Variants in CSGALNACT1 observed in about 807,000 individuals in gnomAD.
The protein encoded by CSGALNACT1 is chondroitin sulfate N-acetylgalactosaminyltransferase 1, also known as beta4GalNAcT-1.
A neutral mutation model predicts 51.0 loss-of-function variants in CSGALNACT1; 52 were observed. The ratio of observed to expected loss-of-function variants is 1.02; its 90% confidence interval spans 0.82 to 1.29. The LOEUF is 1.29. Ranked by LOEUF, CSGALNACT1 falls within the 50% of genes most tolerant of loss-of-function variation. CSGALNACT1 has a pLI of 0.00. For missense variants in CSGALNACT1, 935 were observed against 679.2 expected (o/e 1.38, Z -4.19); for synonymous variants, 341 against 254.4 (o/e 1.34, Z -3.24).
At chr8:19,676,109 A>AAAAAAT (rs2060171865) in intron 1 of CSGALNACT1, among the ~76,000 whole-genome samples, 1 of 149,514 alleles carries the variant, frequency 6.7e-6, no homozygotes, top group Non-Finnish European at 1.5e-5. Flanking sequence ...AACAAAAAAA[A>AAAAAAT]CTCCCAGATT....
At chr8:19,565,980 G>A (rs955354285) in intron 3 of CSGALNACT1, among the ~76,000 whole-genome samples, 12 of 152,178 alleles carry the variant, frequency 7.9e-5, no homozygotes, top group African/African-American at 2.9e-4. Context: ...GTTACCTTGA[G>A]TTACATCATC....
At chr8:19,676,173 C>A (rs569713689) in intron 1 of CSGALNACT1, among the ~76,000 whole-genome samples, 39 of 150,084 alleles carry the variant, frequency 2.6e-4, no homozygotes, top group Non-Finnish European at 3.0e-5. Flanking sequence ...CAGGACAATG[C>A]AAAATTACTC....
intron 4 of CSGALNACT1, among the ~76,000 whole-genome samples, chr8:19,499,920 T>C (rs528401909): frequency 6.6e-6 from 1 of 152,326 alleles, no homozygotes; most frequent in East Asian, 1.9e-4. Context: ...AATCCAAGAC[T>C]GGGCCACTCT....
At chr8:19,751,673 G>A (rs1446821471) in intron 1 of CSGALNACT1, among the ~76,000 whole-genome samples, 3 of 152,114 alleles carry the variant, frequency 2.0e-5, no homozygotes, top group Non-Finnish European at 4.4e-5. Context: ...GGGCCTTGTG[G>A]GAGGTGACTG....
rs143462081 is a variant in CSGALNACT1 at position 19,597,999 on chromosome 8, C to A, written c.-416+3772G>T. Reference sequence around the variant, plus strand: ...GCCTGGGGCTCAGCAAAGGCTCCCCCCTTACCTGCCTCCCAAGATAAGTCT... The same window carrying A: ...GCCTGGGGCTCAGCAAAGGCTCCCCACTTACCTGCCTCCCAAGATAAGTCT... On this transcript the variant is annotated intron_variant, in intron 2 of 9. Transcript: ENST00000454498. 5.2e-3 allele frequency among the ~76,000 whole-genome samples: 785 copies of A among 152,300 alleles called. 5 individuals are homozygous for A. The highest frequency in any genetic ancestry group is 0.016 in the African/African-American group (652 of 41,572).
At chr8:19,535,176 G>C (rs904469233) in intron 3 of CSGALNACT1, among the ~76,000 whole-genome samples, 1 of 151,920 alleles carries the variant, frequency 6.6e-6, no homozygotes, top group Non-Finnish European at 1.5e-5. Context: ...GCCTGCTACT[G>C]ACATATAAAT....
chr8:19,681,072 A>G (rs2060582699), intron 1 of CSGALNACT1, among the ~76,000 whole-genome samples: 1 of 152,152 alleles, frequency 6.6e-6, no homozygotes, highest in African/African-American at 2.4e-5. Context: ...TCCAGATTTC[A>G]GTATCCCCAA....
Position 19,439,950 on chromosome 8 carries a change from G to T in CSGALNACT1, c.852-19C>A. 4 of 1,588,720 alleles carry T rather than the reference G, an allele frequency of 2.5e-6. No individual in the cohort carries two copies. Among genetic ancestry groups the T allele is most frequent in the Non-Finnish European group, 3.5e-6 (4 of 1,157,076 alleles). Reference sequence around the variant, plus strand: ...CATCTCCCTGGAAAACAAAACACATGCATGTCTGGCACCTGTTTTCACACT... The same window carrying T: ...CATCTCCCTGGAAAACAAAACACATTCATGTCTGGCACCTGTTTTCACACT... On this transcript the variant is annotated intron_variant, in intron 5 of 9. Coordinates refer to ENST00000454498, the Ensembl canonical transcript of CSGALNACT1.
chr8:19,544,898 C>T (rs769071932), intron 3 of CSGALNACT1, among the ~76,000 whole-genome samples: 1 of 152,088 alleles, frequency 6.6e-6, no homozygotes, highest in Non-Finnish European at 1.5e-5. Context: ...AAGAGGCTAT[C>T]GTTTACACAC....
chr8:19,574,454 C>T (rs1259532461), intron 3 of CSGALNACT1, among the ~76,000 whole-genome samples: 3 of 152,198 alleles, frequency 2.0e-5, no homozygotes, highest in Non-Finnish European at 2.9e-5. Flanking sequence ...AGCTATGCTG[C>T]TCTTTCACAA....
At chr8:19,445,341 G>A (rs1031765183) in intron 5 of CSGALNACT1, among the ~76,000 whole-genome samples, 15 of 152,102 alleles carry the variant, frequency 9.9e-5, no homozygotes, top group African/African-American at 3.4e-4. Context: ...ATCAGGAGAG[G>A]GTCACCTGCT....
chr8:19,503,397 G>C (rs2153990171), intron 4 of CSGALNACT1, among the ~76,000 whole-genome samples: 1 of 152,326 alleles, frequency 6.6e-6, no homozygotes, highest in Non-Finnish European at 1.5e-5. Context: ...GGCCTTACGT[G>C]TTAAACTACT....
At chr8:19,496,293 C>T (rs947185318) in intron 4 of CSGALNACT1, among the ~76,000 whole-genome samples, 8 of 152,222 alleles carry the variant, frequency 5.3e-5, no homozygotes, top group East Asian at 1.9e-4. Context: ...TCACGGGATC[C>T]GAGGCTTTCA....
intron 4 of CSGALNACT1, among the ~76,000 whole-genome samples, chr8:19,463,535 G>T (rs2066010007): frequency 1.3e-5 from 2 of 152,210 alleles, no homozygotes; most frequent in Non-Finnish European, 2.9e-5. Context: ...GGAAGGGAAA[G>T]TATTCCAAGG....
intron 6 of CSGALNACT1, among the ~76,000 whole-genome samples, chr8:19,436,889 C>G (rs561565032): frequency 1.3e-5 from 2 of 152,138 alleles, no homozygotes; most frequent in Non-Finnish European, 2.9e-5. Context: ...CTAGTCTGGG[C>G]GACAGAGCAA....
chr8:19,695,238 T>C (rs1433306321), intron 1 of CSGALNACT1, among the ~76,000 whole-genome samples: 1 of 152,208 alleles, frequency 6.6e-6, no homozygotes, highest in East Asian at 1.9e-4. Context: ...CTGGAAATAA[T>C]TTGAATTGTA....
intron 1 of CSGALNACT1, among the ~76,000 whole-genome samples, chr8:19,711,978 G>A (rs7815576): frequency 0.7 from 106,498 of 152,072 alleles, 37,877 homozygotes; most frequent in East Asian, 0.86. Flanking sequence ...AGCACGCCCA[G>A]CATCACAGAA....
intron 6 of CSGALNACT1, among the ~76,000 whole-genome samples, chr8:19,427,291 G>C (rs2058917691): frequency 6.6e-6 from 1 of 152,190 alleles, no homozygotes; most frequent in East Asian, 1.9e-4. Flanking sequence ...CAGCTGATTA[G>C]AATTCACCAT....
chr8:19,489,011 G>A (rs2073767208), intron 4 of CSGALNACT1, among the ~76,000 whole-genome samples: 1 of 152,018 alleles, frequency 6.6e-6, no homozygotes, highest in South Asian at 2.1e-4. Flanking sequence ...AGAAACAACG[G>A]CCCCCATTTG....
Sources: gnomAD v4.1 joint callset for allele counts (sites outside exome capture counted in the v4.1 genomes callset) on GRCh38, gnomAD v4.1.1 for gene constraint, MANE v1.5 for transcripts, NCBI Gene and HGNC (gene_info 2026-07-23, HGNC 2026-07-21) for gene names.